The following STK24 variants were observed in gnomAD, a reference collection of about 807,000 sequenced individuals.
STK24 encodes serine/threonine kinase 24, also known as serine/threonine-protein kinase 24.
Under a neutral mutation model 55.6 loss-of-function variants are expected in STK24, and 21 were observed. That is an observed-to-expected ratio of 0.38 (90% CI 0.27 to 0.54). The LOEUF (loss-of-function observed/expected upper bound fraction) is 0.54. Ranked by LOEUF, STK24 falls within the 20% of genes least tolerant of loss-of-function variation. STK24 has a pLI of 0.79. For synonymous variants in STK24, 200 were observed against 215.2 expected, an observed-to-expected ratio of 0.93 and a Z score of 0.62; for missense variants, 383 against 538.4, an observed-to-expected ratio of 0.71 and a Z score of 2.86.
intron 1 of STK24, among the ~76,000 whole-genome samples, chr13:98,540,446 G>T (rs936192266): frequency 6.6e-6 from 1 of 152,032 alleles, no homozygotes; most frequent in Non-Finnish European, 1.5e-5. Context: ...ATCCTTAAGG[G>T]CAAAGACTTC....
intron 1 of STK24, among the ~76,000 whole-genome samples, chr13:98,567,873 T>C (rs554137209): frequency 7.9e-6 from 1 of 126,078 alleles, no homozygotes; most frequent in East Asian, 2.5e-4. Flanking sequence ...ACCACATACC[T>C]GAAACAGAGA....
intron 7 of STK24, among the ~76,000 whole-genome samples, chr13:98,462,336 T>G (rs1489304903): frequency 1.3e-5 from 2 of 152,122 alleles, no homozygotes; most frequent in Admixed American, 6.5e-5. Flanking sequence ...GTTCTGGGAT[T>G]CACACTCACT....
chr13:98,576,815 G>T lies in STK24; in HGVS notation c.-29C>A, dbSNP rs1388206470. 12 of 1,284,836 alleles carry T rather than the reference G, an allele frequency of 9.3e-6. No individual in the cohort carries two copies. Among genetic ancestry groups the T allele is most frequent in the East Asian group, 3.6e-5 (1 of 28,128 alleles). 79.6% of individuals were successfully genotyped at this position (1,284,836 alleles called of 1,614,324 possible). On this transcript the variant is annotated 5_prime_UTR_variant, in exon 1 of 11. Transcript: ENST00000539966. ...GCTCAGGACGGCCACTTCCTGGGACGGGACGGCCGGGCCGCGACGATCCGC... is the reference window on the plus strand; with the variant it reads ...GCTCAGGACGGCCACTTCCTGGGACTGGACGGCCGGGCCGCGACGATCCGC...
chr13:98,522,201 T>A, intron 1 of STK24: 1 of 628,748 alleles, frequency 1.6e-6, no homozygotes, highest in Non-Finnish European at 2.0e-6. Flanking sequence ...CCACTCCCGC[T>A]GGCTTCTTCC....
At chr13:98,546,897 TG>T (rs1211124957) in intron 1 of STK24, among the ~76,000 whole-genome samples, 1 of 69,464 alleles carries the variant, frequency 1.4e-5, no homozygotes, top group Non-Finnish European at 3.6e-5. Flanking sequence ...CATATCTAAT[TG>T]TTGTTTTTTT....
rs1893718131 is a variant in STK24 at position 98,461,816 on chromosome 13, G to A, written c.1011C>T (p.Leu337=). Residue 337 remains leucine (L), a synonymous_variant, in exon 8 of 11, where the codon CTC becomes CTT. Coordinates refer to ENST00000539966, the MANE Select transcript of STK24 (RefSeq NM_001032296.4). ...CCGATGGCTGAAGAGCTCCATTCTC[G>A]AGATTCTTGGGATCTTTTTCTCGGA... ...FTIREKDPKN[L]ENGALQPSDL... is the part of the protein sequence containing the mutation. 5 of 1,614,072 alleles carry A rather than the reference G, an allele frequency of 3.1e-6. No individual in the cohort carries two copies. The highest frequency in any genetic ancestry group is 1.3e-5 in the African/African-American group (1 of 75,020).
In STK24 at chr13:98,576,895, G is replaced by T; in HGVS notation, c.-109C>A. The T allele has an allele frequency of 1.5e-6, 1 of 680,638 alleles. No homozygotes were observed. The highest frequency in any genetic ancestry group is 6.2e-5 in the South Asian group (1 of 16,200). The allele number at this position is 680,638 out of a possible 1,614,324, so 42.2% of individuals were successfully genotyped here. ...CAGCCCTCGGGCGGCGGGGCCGGCC[G>T]GAGCCCGAGGCCACCCCAGCCCTGG... On this transcript the variant is annotated 5_prime_UTR_variant, in exon 1 of 11. Coordinates refer to ENST00000539966, the MANE Select transcript of STK24 (RefSeq NM_001032296.4).
At chr13:98,497,532 C>G (rs1009517718) in intron 2 of STK24, among the ~76,000 whole-genome samples, 1 of 152,210 alleles carries the variant, frequency 6.6e-6, no homozygotes, top group African/African-American at 2.4e-5. Flanking sequence ...AACCTCTTGT[C>G]CCAATCTCAC....
chr13:98,461,945 C>A, intron 7 of STK24, 48 bp from the exon 8 acceptor site: 2 of 1,604,082 alleles, frequency 1.2e-6, no homozygotes, highest in South Asian at 2.2e-5. Context: ...CACACCTGCT[C>A]TGGGGGCGCT....
In STK24 at chr13:98,463,851, C is replaced by T. The variant is rs1893818420; in HGVS notation, c.784-15G>A. On this transcript the variant is annotated splice_polypyrimidine_tract_variant and intron_variant, in intron 6 of 10. Transcript: ENST00000539966. Reference sequence around the variant, plus strand: ...GCAGTGGGTCTCTGGAAAAACACACCCAACAATTAAAGTATGAGATGAAGT... The same window carrying T: ...GCAGTGGGTCTCTGGAAAAACACACTCAACAATTAAAGTATGAGATGAAGT... 6.2e-7 allele frequency: 1 copy of T among 1,609,412 alleles called. No individual in the cohort carries two copies. The highest frequency in any genetic ancestry group is 1.3e-5 in the African/African-American group (1 of 74,712).
intron 1 of STK24, among the ~76,000 whole-genome samples, chr13:98,574,588 A>G (rs1897831876): frequency 6.6e-6 from 1 of 152,334 alleles, no homozygotes. Context: ...ATACACTGTT[A>G]CCATACAGTC....
chr13:98,521,419 T>G (rs933188771), intron 1 of STK24, among the ~76,000 whole-genome samples: 1 of 152,194 alleles, frequency 6.6e-6, no homozygotes, highest in Non-Finnish European at 1.5e-5. Flanking sequence ...TTTACCAAGA[T>G]AGTCAATGAC....
Position 98,576,759 on chromosome 13 carries a change from G to A in STK24, c.28C>T (p.Leu10=), listed in dbSNP as rs1897911469. 2.1e-6 allele frequency: 3 copies of A among 1,456,692 alleles called. No homozygotes were observed. The highest frequency in any genetic ancestry group is 1.8e-6 in the Non-Finnish European group (2 of 1,108,366). The allele number at this position is 1,456,692 out of a possible 1,614,324, so 90.2% of individuals were successfully genotyped here. The change falls in exon 1 of 11, where the codon CTG becomes TTG. Residue 10 remains leucine (L), a synonymous_variant. Coordinates refer to ENST00000539966, the MANE Select transcript of STK24 (RefSeq NM_001032296.4). MAHSPVQSG[L]PGMQNLKADP... is the part of the protein sequence containing the mutation. ...CGCCCGCCTACCTGCATGCCGGGCA[G>A]GCCCGACTGCACCGGGGAGTGAGCC... is the stretch of plus-strand genomic sequence containing the variant.
At chr13:98,497,305 A>T (rs1895285184) in intron 2 of STK24, among the ~76,000 whole-genome samples, 1 of 152,200 alleles carries the variant, frequency 6.6e-6, no homozygotes, top group South Asian at 2.1e-4. Flanking sequence ...TTATGAAGGT[A>T]GGACTAACCA....
intron 1 of STK24, among the ~76,000 whole-genome samples, chr13:98,574,159 G>T (rs1897815253): frequency 6.6e-6 from 1 of 152,116 alleles, no homozygotes; most frequent in Non-Finnish European, 1.5e-5. Flanking sequence ...TTACAGGCGT[G>T]TGCCACCACG....
rs1241574142 is a variant in STK24 at position 98,457,451 on chromosome 13, G to A, written c.1123-147C>T. On this transcript the variant is annotated intron_variant, in intron 9 of 10. Coordinates refer to ENST00000539966, the MANE Select transcript of STK24 (RefSeq NM_001032296.4). ...GGAAAAGCTTTGGCTAGGGCTCCAG[G>A]CCACTTCAAATTGCTTTTTTTTTTT... The A allele has an allele frequency of 6.8e-6, 7 of 1,032,464 alleles. No homozygotes were observed. In the East Asian group the frequency reaches 1.0e-4, roughly 15 times the overall value. 64.0% of individuals were successfully genotyped at this position (1,032,464 alleles called of 1,614,324 possible).
chr13:98,557,328 T>C (rs570064861), intron 1 of STK24, among the ~76,000 whole-genome samples: 10 of 152,316 alleles, frequency 6.6e-5, no homozygotes, highest in Middle Eastern at 3.4e-3. Flanking sequence ...AATCCACTCA[T>C]CTGAAACAGA....
intron 9 of STK24, among the ~76,000 whole-genome samples, chr13:98,459,926 C>G (rs924136174): frequency 6.6e-6 from 1 of 152,198 alleles, no homozygotes; most frequent in African/African-American, 2.4e-5. Context: ...GGAGGCCCAG[C>G]TGGGAGCACA....
chr13:98,562,279 T>C (rs1468928714), intron 1 of STK24, among the ~76,000 whole-genome samples: 1 of 152,180 alleles, frequency 6.6e-6, no homozygotes, highest in Non-Finnish European at 1.5e-5. Flanking sequence ...GTGAAGATAT[T>C]TTTCTGGGTG....
Sources: gnomAD v4.1 joint callset for allele counts (sites outside exome capture counted in the v4.1 genomes callset) on GRCh38, gnomAD v4.1.1 for gene constraint, MANE v1.5 for transcripts, NCBI Gene and HGNC (gene_info 2026-07-23, HGNC 2026-07-21) for gene names.